PTPRD: variants seen among roughly 807,000 people sequenced by gnomAD.
PTPRD encodes receptor-type tyrosine-protein phosphatase delta.
A neutral mutation model predicts 214.5 loss-of-function variants in PTPRD; 34 were observed. That is an observed-to-expected ratio of 0.16 (90% CI 0.12 to 0.21). The LOEUF is 0.21. PTPRD is among the 10% of genes least tolerant of loss of function. The pLI is 1.00. For missense variants in PTPRD, 2,545 were observed against 2,398.7 expected, an observed-to-expected ratio of 1.06 and a Z score of -1.27; for synonymous variants, 1,128 against 845.7, an observed-to-expected ratio of 1.33 and a Z score of -5.79.
chr9:8,574,141 C>A (rs1241100797), intron 14 of PTPRD, among the ~76,000 whole-genome samples: 3 of 151,972 alleles, frequency 2.0e-5, no homozygotes, highest in Non-Finnish European at 1.5e-5. Flanking sequence ...CTATGCCATT[C>A]ACAATTTAGT....
rs1555453817 is a variant in PTPRD, at chr9:10,511,883, T to TAC, written c.-600+100513_-600+100514dup. Reference sequence around the variant, plus strand: ...GTGTGTGTGTGTGTGTGTGTGTATATACACACACACATATATATACATATA... The same window carrying TAC: ...GTGTGTGTGTGTGTGTGTGTGTATATACACACACACACATATATATACATATA... On this transcript the variant is annotated intron_variant, in intron 2 of 45. Transcript: ENST00000381196. Among the ~76,000 whole-genome samples the TAC allele has an allele frequency of 1.1e-4, 15 of 140,848 alleles. 1 individual carries two copies. The highest frequency in any genetic ancestry group is 1.8e-4 in the Non-Finnish European group (12 of 65,106). 92.4% of individuals were successfully genotyped at this position (140,848 alleles called of 152,430 possible).
At chr9:10,508,120 C>T (rs2046673635) in intron 2 of PTPRD, among the ~76,000 whole-genome samples, 2 of 152,144 alleles carry the variant, frequency 1.3e-5, no homozygotes, top group South Asian at 4.1e-4. Flanking sequence ...ACAACCCCAT[C>T]AAAAAGTGGG....
At chr9:10,133,047 C>T (rs1302588406) in intron 3 of PTPRD, among the ~76,000 whole-genome samples, 1 of 152,176 alleles carries the variant, frequency 6.6e-6, no homozygotes, top group Non-Finnish European at 1.5e-5. Flanking sequence ...GGCATGAGAA[C>T]ACTCAGGCAG....
At chr9:10,126,561 A>G (rs2098821531) in intron 3 of PTPRD, among the ~76,000 whole-genome samples, 1 of 152,092 alleles carries the variant, frequency 6.6e-6, no homozygotes, top group Admixed American at 6.6e-5. Flanking sequence ...CAATGTTGTT[A>G]TAACTCAATA....
intron 8 of PTPRD, among the ~76,000 whole-genome samples, chr9:9,409,519 A>T (rs939568853): frequency 6.6e-5 from 10 of 152,216 alleles, no homozygotes; most frequent in African/African-American, 2.4e-4. Flanking sequence ...GTGAGTAAAC[A>T]GAAGTAAATT....
At chr9:10,277,894 C>G (rs2094813858) in intron 3 of PTPRD, among the ~76,000 whole-genome samples, 1 of 152,124 alleles carries the variant, frequency 6.6e-6, no homozygotes. Flanking sequence ...CTCGGTGGCT[C>G]ATGCCTGTAA....
At chr9:9,401,785 G>T (rs1184001754) in intron 8 of PTPRD, among the ~76,000 whole-genome samples, 2 of 151,908 alleles carry the variant, frequency 1.3e-5, no homozygotes, top group African/African-American at 4.8e-5. Context: ...CTGTTCTCCT[G>T]ATAGTGAGTG....
intron 3 of PTPRD, among the ~76,000 whole-genome samples, chr9:10,196,468 A>G (rs1006280356): frequency 2.6e-5 from 4 of 152,186 alleles, no homozygotes; most frequent in African/African-American, 9.7e-5. Context: ...CCGTCGAAAG[A>G]CAAAATGTTA....
At chr9:10,189,534 G>C (rs1371719676) in intron 3 of PTPRD, among the ~76,000 whole-genome samples, 1 of 152,144 alleles carries the variant, frequency 6.6e-6, no homozygotes, top group Non-Finnish European at 1.5e-5. Flanking sequence ...TTCCACCCTT[G>C]GAAGAGAGCT....
At chr9:9,969,932 A>T (rs1266491356) in intron 4 of PTPRD, among the ~76,000 whole-genome samples, 1 of 152,114 alleles carries the variant, frequency 6.6e-6, no homozygotes, top group African/African-American at 2.4e-5. Context: ...CCAGCTTGCT[A>T]ACTGCACTGT....
rs4742645 is a variant in PTPRD, at chr9:9,969,023, C to A, written c.-471-30413G>T. Among the ~76,000 whole-genome samples the A allele has an allele frequency of 4.6e-5, 7 of 151,996 alleles. No homozygotes were observed. The East Asian group carries it at 7.8e-4, about 17-fold the overall frequency. On this transcript the variant is annotated intron_variant, in intron 4 of 45. Transcript: ENST00000381196. ...GCAGTTAGTTTAGTAGGAGAGAGTC[C>A]ATAGTCAAATAATTACTTAAATACT...
chr9:9,752,568 G>A (rs2098531165), intron 6 of PTPRD, among the ~76,000 whole-genome samples: 1 of 151,900 alleles, frequency 6.6e-6, no homozygotes, highest in Non-Finnish European at 1.5e-5. Flanking sequence ...TAAATTATCA[G>A]AACTCCAAAT....
chr9:9,938,011 A>T (rs543727966), intron 5 of PTPRD, among the ~76,000 whole-genome samples: 133 of 152,214 alleles, frequency 8.7e-4, no homozygotes, highest in Non-Finnish European at 1.7e-3. Context: ...GTAATCGAGG[A>T]GTCTTTTGAG....
intron 14 of PTPRD, among the ~76,000 whole-genome samples, chr9:8,543,531 C>T (rs2079032673): frequency 6.6e-6 from 1 of 152,106 alleles, no homozygotes; most frequent in Non-Finnish European, 1.5e-5. Context: ...ATAACCAATG[C>T]TATTTAAGTG....
At chr9:8,682,139 C>A (rs1168578594) in intron 12 of PTPRD, among the ~76,000 whole-genome samples, 1 of 152,142 alleles carries the variant, frequency 6.6e-6, no homozygotes, top group Non-Finnish European at 1.5e-5. Context: ...GCTAACCACA[C>A]AATGTGCAGA....
chr9:9,913,639 A>T (rs1200831260), intron 5 of PTPRD, among the ~76,000 whole-genome samples: 2 of 152,168 alleles, frequency 1.3e-5, no homozygotes, highest in African/African-American at 4.8e-5. Flanking sequence ...CTGAGTCAGG[A>T]GGGACTTCCT....
chr9:10,070,831 A>C (rs913850062), intron 3 of PTPRD, among the ~76,000 whole-genome samples: 1 of 151,956 alleles, frequency 6.6e-6, no homozygotes, highest in African/African-American at 2.4e-5. Flanking sequence ...AAGCTATTCT[A>C]TCAGGAAGAG....
At chr9:8,726,022 G>GACACAC (rs772550242) in intron 12 of PTPRD, among the ~76,000 whole-genome samples, 3,272 of 139,558 alleles carry the variant, frequency 0.023, 122 homozygotes, top group African/African-American at 0.087. Flanking sequence ...CAGACAGACA[G>GACACAC]ACAGACACAC....
intron 4 of PTPRD, among the ~76,000 whole-genome samples, chr9:10,028,446 T>C (rs759456343): frequency 6.6e-6 from 1 of 152,102 alleles, no homozygotes; most frequent in African/African-American, 2.4e-5. Flanking sequence ...TTTGGAGGGC[T>C]CAGAAGAAGA....
Sources: gnomAD v4.1 joint callset for allele counts (sites outside exome capture counted in the v4.1 genomes callset) on GRCh38, gnomAD v4.1.1 for gene constraint, MANE v1.5 for transcripts, NCBI Gene and HGNC (gene_info 2026-07-23, HGNC 2026-07-21) for gene names.